ASIP: variants seen among roughly 807,000 people sequenced by gnomAD.
ASIP encodes agouti-signaling protein.
ASIP carries 11 observed loss-of-function variants against 10.3 expected under a neutral mutation model. The observed-to-expected ratio is 1.07, with a 90% CI of 0.68 to 1.78. The LOEUF (loss-of-function observed/expected upper bound fraction) is 1.78. ASIP is among the 40% of genes most tolerant of loss of function. The pLI is 0.00. For missense variants in ASIP, 180 were observed against 169.2 expected (o/e 1.06, Z -0.35); for synonymous variants, 70 against 70.8 (o/e 0.99, Z 0.06).
chr20:34,196,146 C>G (rs1601567038), intron 1 of ASIP, among the ~76,000 whole-genome samples: 1 of 148,376 alleles, frequency 6.7e-6, no homozygotes, highest in African/African-American at 2.5e-5. Flanking sequence ...GAACCAGAGC[C>G]AGAACTCTCA....
At chr20:34,254,611 CTAT>C (rs1268217982) in intron 1 of ASIP, among the ~76,000 whole-genome samples, 1 of 152,154 alleles carries the variant, frequency 6.6e-6, no homozygotes, top group Non-Finnish European at 1.5e-5. Flanking sequence ...TTCATCCTGC[CTAT>C]TATGAAGATC....
At chr20:34,233,538 A>G (rs1165375830) in intron 1 of ASIP, among the ~76,000 whole-genome samples, 1 of 152,218 alleles carries the variant, frequency 6.6e-6, no homozygotes, top group African/African-American at 2.4e-5. Context: ...CTCTGTGAAT[A>G]AACTAAAAAC....
chr20:34,201,024 CTTT>C (rs2034893275), intron 1 of ASIP, among the ~76,000 whole-genome samples: 17 of 82,618 alleles, frequency 2.1e-4, no homozygotes, highest in Admixed American at 3.9e-4. Context: ...TTCCTTCTTT[CTTT>C]CTTTCTTTCT....
intron 1 of ASIP, among the ~76,000 whole-genome samples, chr20:34,209,226 G>A (rs1462720664): frequency 1.3e-5 from 2 of 152,216 alleles, no homozygotes; most frequent in African/African-American, 4.8e-5. Flanking sequence ...CCGGCAACAA[G>A]TGGGAGCCCT....
At chr20:34,223,459 C>G (rs750683487) in intron 1 of ASIP, among the ~76,000 whole-genome samples, 1 of 151,574 alleles carries the variant, frequency 6.6e-6, no homozygotes, top group Non-Finnish European at 1.5e-5. Context: ...AAGTGAGGAG[C>G]GTCTCCGCCC....
At chr20:34,213,748 G>A in intron 1 of ASIP, 1 of 1,506,322 alleles carries the variant, frequency 6.6e-7, no homozygotes, top group Non-Finnish European at 9.2e-7. Flanking sequence ...ATGAAGGAAA[G>A]TACAGACTCC....
chr20:34,268,754 C>CA (rs1171891961), intron 3 of ASIP, among the ~76,000 whole-genome samples: 2 of 146,722 alleles, frequency 1.4e-5, no homozygotes, highest in Non-Finnish European at 3.0e-5. Context: ...AAAAAACAAA[C>CA]AAACAAAAAA....
At chr20:34,203,755 T>C (rs1024043658) in intron 1 of ASIP, among the ~76,000 whole-genome samples, 1 of 151,276 alleles carries the variant, frequency 6.6e-6, no homozygotes, top group Non-Finnish European at 1.5e-5. Context: ...GGAGTTTCGC[T>C]CTTTTTTGCC....
At chr20:34,236,882 A>G (rs1269116516), upstream of ASIP, among the ~76,000 whole-genome samples, 1 of 152,146 alleles carries the variant, frequency 6.6e-6, no homozygotes, top group African/African-American at 2.4e-5. Flanking sequence ...AAGTTTTTGT[A>G]TATGGTGTTA....
chr20:34,190,622 C>G (rs1156476816), upstream of ASIP, among the ~76,000 whole-genome samples: 3 of 152,196 alleles, frequency 2.0e-5, no homozygotes, highest in African/African-American at 4.8e-5. Flanking sequence ...AGAACTCACC[C>G]CCTTCCTCAC....
chr20:34,211,372 T>TA (rs1199557857), intron 1 of ASIP, among the ~76,000 whole-genome samples: 1 of 152,256 alleles, frequency 6.6e-6, no homozygotes, highest in African/African-American at 2.4e-5. Flanking sequence ...CTCATTGCCA[T>TA]ATATTTTAAT....
At chr20:34,197,474 T>A (rs1200226762) in intron 1 of ASIP, among the ~76,000 whole-genome samples, 2 of 152,180 alleles carry the variant, frequency 1.3e-5, no homozygotes, top group East Asian at 3.8e-4. Flanking sequence ...TTCAATACAG[T>A]CAGTAATTGG....
intron 1 of ASIP, among the ~76,000 whole-genome samples, chr20:34,258,779 G>GAGTAT (rs2035633101): frequency 1.2e-5 from 1 of 80,322 alleles, no homozygotes; most frequent in African/African-American, 7.1e-5. Context: ...AATATATATA[G>GAGTAT]TATATATATA....
At position 34,269,116 on chromosome 20, in the gene ASIP, C is replaced by T. The variant is rs2035843043; in HGVS notation, c.348C>T (p.Cys116=). The T allele has an allele frequency of 6.4e-7, 1 of 1,560,454 alleles. No individual in the cohort carries two copies. Among genetic ancestry groups the T allele is most frequent in the Non-Finnish European group, 8.7e-7 (1 of 1,152,818 alleles). ...GCGACCCGTGCGCCTCCTGCCAGTG[C>T]CGCTTCTTCCGCAGCGCCTGCTCCT... ...ACCDPCASCQ[C]RFFRSACSCR... The change falls in exon 4 of 4, where the codon TGC becomes TGT. Residue 116 remains cysteine, a synonymous_variant. Transcript: ENST00000374954.
At chr20:34,239,853 T>G (rs2035261453), upstream of ASIP, among the ~76,000 whole-genome samples, 1 of 152,160 alleles carries the variant, frequency 6.6e-6, no homozygotes, top group Admixed American at 6.5e-5. Context: ...AAACAGACAA[T>G]GTTTATTGCA....
At chr20:34,252,722 G>T (rs1454098845) in intron 1 of ASIP, among the ~76,000 whole-genome samples, 1 of 152,114 alleles carries the variant, frequency 6.6e-6, no homozygotes, top group Admixed American at 6.6e-5. Context: ...GGATGGTAAG[G>T]TCTTTCCTTT....
intron 1 of ASIP, among the ~76,000 whole-genome samples, chr20:34,232,196 A>G (rs562309423): frequency 6.6e-6 from 1 of 152,222 alleles, no homozygotes; most frequent in Non-Finnish European, 1.5e-5. Flanking sequence ...ACCCAGGGAG[A>G]TATTACTTCA....
At chr20:34,247,676 A>C (rs1007369385) in intron 1 of ASIP, among the ~76,000 whole-genome samples, 17 of 150,088 alleles carry the variant, frequency 1.1e-4, no homozygotes, top group African/African-American at 4.2e-4. Flanking sequence ...TGGCACAAAC[A>C]CAGCTCACTG....
rs556803619 is a variant in ASIP, at chr20:34,220,349, C to T, written c.-11+25589C>T. On this transcript the variant is annotated intron_variant, in intron 1 of 3. Transcript: ENST00000568305. ...CAGTGGCTCACGCCTGTAATCCCAA[C>T]ACTTTGGGAGGCTGAGGCAGGCTGA... Among the ~76,000 whole-genome samples the T allele has an allele frequency of 2.6e-5, 4 of 152,304 alleles. No homozygotes were observed. In the East Asian group the frequency reaches 7.7e-4, roughly 29 times the overall value.
Sources: gnomAD v4.1 joint callset for allele counts (sites outside exome capture counted in the v4.1 genomes callset) on GRCh38, gnomAD v4.1.1 for gene constraint, MANE v1.5 for transcripts, NCBI Gene and HGNC (gene_info 2026-07-23, HGNC 2026-07-21) for gene names.